KLHL14: variants seen among roughly 807,000 people sequenced by gnomAD.
KLHL14 encodes kelch-like protein 14.
KLHL14 carries 22 observed loss-of-function variants against 64.3 expected under a neutral mutation model. The observed-to-expected ratio is 0.34, with a 90% CI of 0.24 to 0.49. The LOEUF is 0.49. KLHL14 is among the 20% of genes least tolerant of loss of function. The pLI, the probability that KLHL14 is intolerant of heterozygous loss-of-function variation, is 0.99. For synonymous variants in KLHL14, 322 were observed against 333.4 expected, an observed-to-expected ratio of 0.97 and a Z score of 0.37; for missense variants, 661 against 789.0, an observed-to-expected ratio of 0.84 and a Z score of 1.94.
rs764507641 is a variant in KLHL14, at chr18:32,770,474, G to C, written c.118C>G (p.Gln40Glu). Residue 40 changes from glutamine to glutamate, a missense_variant, in exon 2 of 9, where the codon CAG becomes GAG. Around this residue, in one of 2 missense-constraint regions of KLHL14, gnomAD observed 331 missense variants for 339.0 expected, o/e 0.98. Coordinates refer to ENST00000359358, the MANE Select transcript of KLHL14 (RefSeq NM_020805.3). This position sits in a 1 kb window ranked among gnomAD's most constrained non-coding sequence, Gnocchi z 6.7. ...TTGTGGCAATGGAACTGCTGGCCCT[G>C]GGCCGTCAGGGTCACGTCGCAAAAC... is the stretch of plus-strand genomic sequence containing the variant. ...QLFCDVTLTA[Q>E]GQQFHCHKAV... The C allele has an allele frequency of 2.5e-5, 40 of 1,612,518 alleles. No homozygotes were observed. The highest frequency in any genetic ancestry group is 3.4e-5 in the Non-Finnish European group (40 of 1,179,934).
chr18:32,686,708 TA>T (rs1279930996), intron 5 of KLHL14, among the ~76,000 whole-genome samples: 2 of 152,198 alleles, frequency 1.3e-5, no homozygotes, highest in African/African-American at 4.8e-5. Context: ...TCTAAATATC[TA>T]ACATTTAAAT....
intron 3 of KLHL14, among the ~76,000 whole-genome samples, chr18:32,709,398 T>C (rs779256231): frequency 2.0e-5 from 3 of 152,202 alleles, no homozygotes; most frequent in Non-Finnish European, 2.9e-5. Flanking sequence ...CCTATCATTC[T>C]CTGCTCCCTT....
intron 3 of KLHL14, among the ~76,000 whole-genome samples, chr18:32,714,248 G>A (rs1307279910): frequency 6.6e-6 from 1 of 152,096 alleles, no homozygotes; most frequent in Non-Finnish European, 1.5e-5. Context: ...CTCTGATTGT[G>A]GATTCAGGAA....
chr18:32,731,013 C>T (rs571334367), intron 3 of KLHL14, among the ~76,000 whole-genome samples: 6 of 152,242 alleles, frequency 3.9e-5, no homozygotes, highest in African/African-American at 1.4e-4. Flanking sequence ...TAAATGTGGC[C>T]AGGTCCTTAA....
Position 32,674,459 on chromosome 18 carries a change from T to G in KLHL14, c.*198A>C, listed in dbSNP as rs889275222. 1.0e-4 allele frequency: 47 copies of G among 468,702 alleles called. No individual in the cohort carries two copies. The Middle Eastern group carries it at 1.7e-3, about 17-fold the overall frequency. 29.0% of individuals were successfully genotyped at this position (468,702 alleles called of 1,614,324 possible). ...GGAAGAGTCTGTCACCACAGGAAGT[T>G]TGGTGCGATCTGAGTTATAGACATA... On this transcript the variant is annotated 3_prime_UTR_variant, in exon 9 of 9. Transcript: ENST00000359358.
intron 3 of KLHL14, among the ~76,000 whole-genome samples, chr18:32,709,683 A>T (rs1381334307): frequency 1.3e-5 from 2 of 152,146 alleles, no homozygotes; most frequent in African/African-American, 4.8e-5. Context: ...TCCTGGCCTC[A>T]AGTGATTTAT....
At chr18:32,695,764 C>T (rs1293562001) in intron 3 of KLHL14, among the ~76,000 whole-genome samples, 1 of 151,996 alleles carries the variant, frequency 6.6e-6, no homozygotes, top group African/African-American at 2.4e-5. Context: ...CAAACCCAAC[C>T]CCTTTTGACT....
At chr18:32,727,613 G>A (rs909909077) in intron 3 of KLHL14, among the ~76,000 whole-genome samples, 1 of 152,000 alleles carries the variant, frequency 6.6e-6, no homozygotes, top group Non-Finnish European at 1.5e-5. Flanking sequence ...AAATGACTTG[G>A]GTTTTGACAA....
chr18:32,764,389 T>A (rs1216144611), intron 2 of KLHL14, among the ~76,000 whole-genome samples: 1 of 152,172 alleles, frequency 6.6e-6, no homozygotes, highest in Non-Finnish European at 1.5e-5. Context: ...AACTTCTAAC[T>A]TAGCACGGTA....
chr18:32,692,416 G>T (rs1195940101), intron 4 of KLHL14, among the ~76,000 whole-genome samples: 1 of 152,138 alleles, frequency 6.6e-6, no homozygotes, highest in Admixed American at 6.5e-5. Context: ...GGATTTAAAA[G>T]CTTTCTCCCT....
chr18:32,770,315 ACGGCTGCTGCTGCGG>A lies in KLHL14; in HGVS notation c.262_276del (p.Pro88_Pro92del), dbSNP rs746680301. ...TGCGGCGGCGGCTGCTGCTGCTGTG[ACGGCTGCTGCTGCGG>A]CGGCTGCTGCTGGTCCTTGGGGGCC... On this transcript the variant is annotated inframe_deletion, in exon 2 of 9. Coordinates refer to ENST00000359358, the MANE Select transcript of KLHL14 (RefSeq NM_020805.3). This position sits in a 1 kb window ranked among gnomAD's most constrained non-coding sequence, Gnocchi z 6.7. 55 of 1,585,882 alleles carry A rather than the reference ACGGCTGCTGCTGCGG, an allele frequency of 3.5e-5. 1 individual carries two copies. The South Asian group carries it at 4.1e-4, about 12-fold the overall frequency.
At chr18:32,699,802 T>C (rs147568095) in intron 3 of KLHL14, among the ~76,000 whole-genome samples, 180 of 152,340 alleles carry the variant, frequency 1.2e-3, no homozygotes, top group African/African-American at 4.2e-3. Context: ...TTCCTTTAAA[T>C]GATTTCCTAT....
At chr18:32,715,773 C>G (rs2050042459) in intron 3 of KLHL14, among the ~76,000 whole-genome samples, 1 of 152,104 alleles carries the variant, frequency 6.6e-6, no homozygotes, top group Non-Finnish European at 1.5e-5. Flanking sequence ...ATTATAGCTC[C>G]TCACCTCAAG....
chr18:32,692,269 T>C (rs2049911278), intron 4 of KLHL14, among the ~76,000 whole-genome samples: 1 of 152,236 alleles, frequency 6.6e-6, no homozygotes, highest in African/African-American at 2.4e-5. Flanking sequence ...TACATGTTTG[T>C]GTTTTATGAG....
chr18:32,726,649 A>T (rs1872842562), intron 3 of KLHL14, among the ~76,000 whole-genome samples: 1 of 139,908 alleles, frequency 7.1e-6, no homozygotes, highest in African/African-American at 3.3e-5. Context: ...AAATAAAAAT[A>T]AAATAAAATA....
intron 4 of KLHL14, among the ~76,000 whole-genome samples, chr18:32,688,086 A>G (rs1031749886): frequency 3.3e-5 from 5 of 152,244 alleles, no homozygotes; most frequent in Admixed American, 1.3e-4. Context: ...TATTTTATAT[A>G]CATGTTAACA....
intron 2 of KLHL14, among the ~76,000 whole-genome samples, chr18:32,766,750 T>C (rs1243111758): frequency 6.6e-6 from 1 of 152,138 alleles, no homozygotes; most frequent in East Asian, 1.9e-4. Flanking sequence ...GCAACTGGTA[T>C]ACTTAGAAAA....
chr18:32,687,954 G>T (rs2049887727), intron 4 of KLHL14, among the ~76,000 whole-genome samples: 1 of 152,136 alleles, frequency 6.6e-6, no homozygotes. Context: ...CAGTTGCTGT[G>T]ACATATACAC....
Position 32,702,364 on chromosome 18 carries a change from G to A in KLHL14, c.1070-6812C>T, listed in dbSNP as rs74601722. On this transcript the variant is annotated intron_variant, in intron 3 of 8. Coordinates refer to ENST00000359358, the MANE Select transcript of KLHL14 (RefSeq NM_020805.3). ...TTGTTTTTTTTTTTTTTAAAAAAAAGTCTTCAATTTTATAGTAAATGCAAT... is the reference window on the plus strand; with the variant it reads ...TTGTTTTTTTTTTTTTTAAAAAAAAATCTTCAATTTTATAGTAAATGCAAT... Among the ~76,000 whole-genome samples, 5 of 142,692 alleles carry A rather than the reference G, an allele frequency of 3.5e-5. No homozygotes were observed. In the Admixed American group the frequency reaches 3.5e-4, roughly 10 times the overall value. 93.6% of individuals were successfully genotyped at this position (142,692 alleles called of 152,430 possible).
Sources: allele counts gnomAD v4.1 joint callset (sites outside exome capture counted in the v4.1 genomes callset), GRCh38; gene constraint gnomAD v4.1.1; regional missense constraint gnomAD v4.1.1; non-coding constraint Gnocchi (gnomAD v3.1); transcripts MANE v1.5; gene names NCBI Gene and HGNC (gene_info 2026-07-23, HGNC 2026-07-21).